Variants in PLCXD1 observed in about 807,000 individuals in gnomAD.
PLCXD1 encodes phosphatidylinositol specific phospholipase C X domain containing 1, also known as PI-PLC X domain-containing protein 1.
PLCXD1 carries 45 observed loss-of-function variants against 37.8 expected under a neutral mutation model. The ratio of observed to expected loss-of-function variants is 1.19; its 90% confidence interval spans 0.94 to 1.53. The LOEUF (loss-of-function observed/expected upper bound fraction) is 1.53, where lower values mean the gene tolerates loss of function less well. Among genes scored for constraint, PLCXD1 ranks in the 40% most tolerant of loss-of-function variants. The pLI, the probability that PLCXD1 is intolerant of heterozygous loss-of-function variation, is 0.00. For synonymous variants in PLCXD1, 246 were observed against 206.9 expected, an observed-to-expected ratio of 1.19 and a Z score of -1.62; for missense variants, 539 against 454.7, an observed-to-expected ratio of 1.19 and a Z score of -1.69.
rs980011578 is a variant in PLCXD1 at position 300,435 on chromosome X, T to C, written c.*1100T>C. On this transcript the variant is annotated 3_prime_UTR_variant, in exon 7 of 7. Coordinates refer to ENST00000381657, the MANE Select transcript of PLCXD1 (RefSeq NM_018390.4). ...ATATGTGTATATATCGGTGTGTATA[T>C]ATGTATGTATGTTTATACATGTGTA... is the stretch of plus-strand genomic sequence containing the variant. The C allele has an allele frequency of 1.1e-4, 9 of 85,604 alleles. No individual in the cohort carries two copies. The highest frequency in any genetic ancestry group is 2.4e-4 in the Non-Finnish European group (9 of 37,952). 5.3% of individuals were successfully genotyped at this position (85,604 alleles called of 1,614,324 possible).
intron 3 of PLCXD1, among the ~76,000 whole-genome samples, chrX:289,309 G>C (rs1351050138): frequency 7.2e-5 from 11 of 152,052 alleles, no homozygotes; most frequent in African/African-American, 2.2e-4. Context: ...GGATGGTCTT[G>C]ATCTCCTGAC....
chrX:278,755 A>AAAG (rs1186527543), upstream of PLCXD1, among the ~76,000 whole-genome samples: 1 of 145,824 alleles, frequency 6.9e-6, no homozygotes, highest in African/African-American at 2.5e-5. Context: ...AAAAAAAAAA[A>AAAG]AGTGTGTTTT....
intron 3 of PLCXD1, among the ~76,000 whole-genome samples, chrX:289,274 A>G (rs980638658): frequency 1.3e-5 from 2 of 151,936 alleles, no homozygotes; most frequent in African/African-American, 4.8e-5. Flanking sequence ...TTTTTAGTAG[A>G]GATGGGGTTT....
In PLCXD1 at chrX:284,007, G is replaced by A. The variant is rs191885277; in HGVS notation, c.-21-160G>A. The A allele has an allele frequency of 1.7e-3, 1,052 of 611,018 alleles. 7 individuals carry two copies. Among genetic ancestry groups the A allele is most frequent in the African/African-American group, 0.016 (904 of 54,796 alleles). The allele number at this position is 611,018 out of a possible 1,614,324, so 37.8% of individuals were successfully genotyped here. On this transcript the variant is annotated intron_variant, in intron 1 of 6. Transcript: ENST00000381657. ...AGCGATTCTCCTGCCTCAGCCTCCC[G>A]AGTAGCTGGGATGACAGGTGCCACA...
chrX:295,173 A>G (rs1187181771), intron 6 of PLCXD1, among the ~76,000 whole-genome samples: 2 of 146,614 alleles, frequency 1.4e-5, no homozygotes, highest in African/African-American at 2.6e-5. Flanking sequence ...CATCTTGGGA[A>G]AAAAAAAAAA....
chrX:281,840 C>T (rs1009439086), intron 1 of PLCXD1, among the ~76,000 whole-genome samples, 156 bp downstream of exon 1: 4 of 152,138 alleles, frequency 2.6e-5, no homozygotes, highest in Non-Finnish European at 5.9e-5. Context: ...CTCACTACAG[C>T]CCCCGCCTCC....
intron 5 of PLCXD1, among the ~76,000 whole-genome samples, chrX:292,694 C>T (rs1475846822): frequency 6.6e-6 from 1 of 151,880 alleles, no homozygotes; most frequent in African/African-American, 2.4e-5. Context: ...CTCACCGCAA[C>T]CTCTGCCTCC....
intron 2 of PLCXD1, among the ~76,000 whole-genome samples, chrX:287,818 C>G (rs1346706087): frequency 6.6e-6 from 1 of 151,380 alleles, no homozygotes; most frequent in African/African-American, 2.4e-5. Context: ...GCAGGAAATG[C>G]AAACGTCAGC....
chrX:291,507 C>T lies in PLCXD1; in HGVS notation c.402C>T (p.Leu134=). The T allele has an allele frequency of 6.2e-7, 1 of 1,612,600 alleles. No homozygotes were observed. The highest frequency in any genetic ancestry group is 8.5e-7 in the Non-Finnish European group (1 of 1,179,832). Residue 134 remains leucine, a synonymous_variant, in exon 5 of 7, where the codon CTC becomes CTT. Coordinates refer to ENST00000381657, the MANE Select transcript of PLCXD1 (RefSeq NM_018390.4). The part of the protein sequence containing the change: ...VYTTALVEDT[L]TEISEWLERH... ...AGCACCCCCCTCCCCAGGACACACT[C>T]ACGGAAATCTCGGAGTGGCTGGAGC...
At chrX:294,320 A>C (rs1334503444) in intron 6 of PLCXD1, among the ~76,000 whole-genome samples, 1 of 152,132 alleles carries the variant, frequency 6.6e-6, no homozygotes, top group Non-Finnish European at 1.5e-5. Flanking sequence ...GTCTCTACTA[A>C]AAATACAAAA....
chrX:293,866 C>T (rs1449444362), intron 6 of PLCXD1, among the ~76,000 whole-genome samples: 4 of 152,162 alleles, frequency 2.6e-5, no homozygotes, highest in African/African-American at 4.8e-5. Context: ...CCGGGGGCTG[C>T]GGAGGGGAAA....
rs148230319 is a variant in PLCXD1 at position 291,615 on chromosome X, T to C, written c.510T>C (p.Cys170=). The C allele has an allele frequency of 1.7e-4, 277 of 1,612,944 alleles. 1 individual carries two copies. In the Middle Eastern group the frequency reaches 2.3e-3, roughly 13 times the overall value. ...SEDLHEYLVA[C]IKNIFGDMLC... ...ACCTGCACGAGTACCTGGTCGCCTG[T>C]ATCAAGAACATCTTCGGGGACATGC... The change falls in exon 5 of 7, where the codon TGT becomes TGC. Residue 170 remains cysteine, a synonymous_variant. Coordinates refer to ENST00000381657, the MANE Select transcript of PLCXD1 (RefSeq NM_018390.4).
chrX:290,553 C>T, intron 3 of PLCXD1, 95 bp from the exon 4 acceptor site: 1 of 1,344,038 alleles, frequency 7.4e-7, no homozygotes, highest in Non-Finnish European at 1.0e-6. Context: ...CAGTGGGCAG[C>T]AGGACATGCG....
At chrX:296,967 A>G (rs2069835133) in intron 6 of PLCXD1, among the ~76,000 whole-genome samples, 2 of 75,446 alleles carry the variant, frequency 2.7e-5, no homozygotes, top group Admixed American at 1.2e-4. Flanking sequence ...CTTTGGGGAC[A>G]TTATTCTGTC....
Position 302,840 on chromosome X carries a change from C to G in PLCXD1, c.*3505C>G, listed in dbSNP as rs931994863. ...CCACCCGCCTCGGCCTCCCAAAGTG[C>G]TGGGATGACAGGCGTGAGCCACCGC... is the stretch of plus-strand genomic sequence containing the variant. On this transcript the variant is annotated 3_prime_UTR_variant, in exon 7 of 7. Transcript: ENST00000381657. 6.6e-6 allele frequency: 1 copy of G among 152,240 alleles called. No individual in the cohort carries two copies. Among genetic ancestry groups the G allele is most frequent in the Non-Finnish European group, 1.5e-5 (1 of 68,058 alleles). The allele number at this position is 152,240 out of a possible 1,614,324, so 9.4% of individuals were successfully genotyped here.
At position 299,802 on chromosome X, in the gene PLCXD1, T is replaced by G. The variant is rs1321071032; in HGVS notation, c.*467T>G. Reference sequence around the variant, plus strand: ...AGTGTGCAGTGACTCACGCCTGTCATCCCAGCACTTTGGGAGGCGAAGGCG... The same window carrying G: ...AGTGTGCAGTGACTCACGCCTGTCAGCCCAGCACTTTGGGAGGCGAAGGCG... On this transcript the variant is annotated 3_prime_UTR_variant, in exon 7 of 7. Transcript: ENST00000381657. 4 of 165,218 alleles carry G rather than the reference T, an allele frequency of 2.4e-5. No individual in the cohort carries two copies. The highest frequency in any genetic ancestry group is 3.9e-5 in the Non-Finnish European group (3 of 76,634). The allele number at this position is 165,218 out of a possible 1,614,324, so 10.2% of individuals were successfully genotyped here.
At chrX:278,144 G>T, upstream of PLCXD1, among the ~76,000 whole-genome samples, 1 of 126,012 alleles carries the variant, frequency 7.9e-6, no homozygotes, top group Non-Finnish European at 1.8e-5. Context: ...ACACCCCTCA[G>T]TGGTCAGGGG....
At position 299,761 on chromosome X, in the gene PLCXD1, GA is replaced by G. The variant is rs1220300431; in HGVS notation, c.*435del. 8 of 157,996 alleles carry G rather than the reference GA, an allele frequency of 5.1e-5. No individual in the cohort carries two copies. The highest frequency in any genetic ancestry group is 2.5e-4 in the South Asian group (2 of 8,120). The allele number at this position is 157,996 out of a possible 1,614,324, so 9.8% of individuals were successfully genotyped here. Reference sequence around the variant, plus strand: ...GATAGACCGAGACTCCATCTCAAAAGAAAAAAAAACAGCCGAGTGTGCAGTG... The same window carrying G: ...GATAGACCGAGACTCCATCTCAAAAGAAAAAAAACAGCCGAGTGTGCAGTG... On this transcript the variant is annotated 3_prime_UTR_variant, in exon 7 of 7. Transcript: ENST00000381657.
upstream of PLCXD1, among the ~76,000 whole-genome samples, chrX:279,564 G>C (rs2069219018): frequency 6.6e-6 from 1 of 152,170 alleles, no homozygotes; most frequent in Non-Finnish European, 1.5e-5. Context: ...CTGAAGTCAG[G>C]AGTTCGAGAC....
Sources: allele counts gnomAD v4.1 joint callset (sites outside exome capture counted in the v4.1 genomes callset), GRCh38; gene constraint gnomAD v4.1.1; transcripts MANE v1.5; gene names NCBI Gene and HGNC (gene_info 2026-07-23, HGNC 2026-07-21).